NELL1: variants seen among roughly 807,000 people sequenced by gnomAD.
NELL1 encodes the protein neural EGFL like 1.
Under a neutral mutation model 107.4 loss-of-function variants are expected in NELL1, and 76 were observed. The ratio of observed to expected loss-of-function variants is 0.71; its 90% CI spans 0.59 to 0.86. The LOEUF (loss-of-function observed/expected upper bound fraction) is 0.86. Among genes scored for constraint, NELL1 ranks in the 40% least tolerant of loss-of-function variants. NELL1 has a pLI of 0.00. For missense variants in NELL1, 1,024 were observed against 1,005.5 expected (o/e 1.02, Z -0.25); for synonymous variants, 353 against 341.2 (o/e 1.03, Z -0.38).
At chr11:20,787,663 T>G (rs1028655072) in intron 3 of NELL1, among the ~76,000 whole-genome samples, 1 of 152,194 alleles carries the variant, frequency 6.6e-6, no homozygotes, top group African/African-American at 2.4e-5. Context: ...GTATTACTAG[T>G]GATGAAGATA....
In NELL1 at chr11:21,178,857, T is replaced by C. The variant is rs184870956; in HGVS notation, c.1427-50475T>C. Among the ~76,000 whole-genome samples, 452 of 151,552 alleles carry C rather than the reference T, an allele frequency of 3.0e-3. 14 individuals carry two copies. Among genetic ancestry groups the C allele is most frequent in the African/African-American group, 0.011 (434 of 41,040 alleles). On this transcript the variant is annotated intron_variant, in intron 13 of 19. Coordinates refer to ENST00000357134, the MANE Select transcript of NELL1 (RefSeq NM_006157.5). ...AAGGATATTTTTGAGTAAATGAAAA[T>C]GGAGGTTTTTATGATTAGACAAAAA...
intron 13 of NELL1, among the ~76,000 whole-genome samples, chr11:21,202,220 C>T (rs935953604): frequency 2.0e-5 from 3 of 152,144 alleles, no homozygotes; most frequent in Admixed American, 1.3e-4. Flanking sequence ...CCTCTTTGTA[C>T]CTCTGGTAGA....
chr11:21,025,743 C>G (rs76039790), intron 12 of NELL1, among the ~76,000 whole-genome samples: 2 of 152,050 alleles, frequency 1.3e-5, no homozygotes, highest in African/African-American at 4.8e-5. Context: ...TCAGCCTAGA[C>G]TGATATTTTA....
At chr11:20,916,439 GTAT>G (rs1171069518) in intron 5 of NELL1, among the ~76,000 whole-genome samples, 1 of 151,914 alleles carries the variant, frequency 6.6e-6, no homozygotes, top group Admixed American at 6.6e-5. Context: ...GCGGGATGGG[GTAT>G]TATTTTAAAA....
chr11:21,477,186 G>A (rs537772890), intron 15 of NELL1, among the ~76,000 whole-genome samples: 60 of 152,164 alleles, frequency 3.9e-4, no homozygotes, highest in African/African-American at 1.4e-3. Context: ...CACAGCTCCA[G>A]GAGAGACTCT....
chr11:21,063,961 T>C (rs1203856539), intron 12 of NELL1, among the ~76,000 whole-genome samples: 3 of 152,218 alleles, frequency 2.0e-5, no homozygotes, highest in Non-Finnish European at 2.9e-5. Context: ...TGTAATACAC[T>C]GTTCAGTGTA....
chr11:21,515,231 T>G (rs1462038319), intron 15 of NELL1, among the ~76,000 whole-genome samples: 1 of 152,206 alleles, frequency 6.6e-6, no homozygotes, highest in East Asian at 1.9e-4. Context: ...GTGCTTCTAC[T>G]TCTTTCTGAA....
chr11:21,185,921 A>G (rs1379376769), intron 13 of NELL1, among the ~76,000 whole-genome samples: 1 of 151,840 alleles, frequency 6.6e-6, no homozygotes, highest in Non-Finnish European at 1.5e-5. Flanking sequence ...TTGCAAGGCT[A>G]TCAGGAGCTC....
At chr11:21,099,620 G>A (rs933286513) in intron 12 of NELL1, among the ~76,000 whole-genome samples, 9 of 152,284 alleles carry the variant, frequency 5.9e-5, no homozygotes, top group African/African-American at 1.9e-4. Context: ...GGCATAAGAC[G>A]TGGTGCAAGG....
At chr11:21,472,823 C>T (rs1460448793) in intron 15 of NELL1, among the ~76,000 whole-genome samples, 1 of 149,176 alleles carries the variant, frequency 6.7e-6, no homozygotes, top group African/African-American at 2.5e-5. Context: ...CCTTGCCTTC[C>T]CTTCCCTTCC....
chr11:21,229,577 A>G, intron 14 of NELL1, 123 bp downstream of exon 14: 1 of 1,323,012 alleles, frequency 7.6e-7, no homozygotes, highest in Non-Finnish European at 1.0e-6. Context: ...CTCCTGGTTT[A>G]TCAACTGGCA....
intron 12 of NELL1, among the ~76,000 whole-genome samples, chr11:21,028,730 C>T (rs1394395156): frequency 1.3e-5 from 2 of 151,858 alleles, no homozygotes; most frequent in African/African-American, 4.8e-5. Flanking sequence ...TCCCTTTGGC[C>T]AGAGTAAGAG....
intron 15 of NELL1, among the ~76,000 whole-genome samples, chr11:21,483,488 A>G (rs987145750): frequency 3.3e-5 from 5 of 152,112 alleles, no homozygotes; most frequent in African/African-American, 1.2e-4. Context: ...CAATGATTTT[A>G]ATATTGTCAT....
At chr11:21,069,506 G>A (rs551413576) in intron 12 of NELL1, among the ~76,000 whole-genome samples, 1 of 152,236 alleles carries the variant, frequency 6.6e-6, no homozygotes, top group Non-Finnish European at 1.5e-5. Flanking sequence ...CTGGAGGGAG[G>A]AGGAATGGAA....
intron 14 of NELL1, among the ~76,000 whole-genome samples, chr11:21,247,529 T>C (rs1376824577): frequency 6.6e-6 from 1 of 152,132 alleles, no homozygotes; most frequent in African/African-American, 2.4e-5. Flanking sequence ...CCTCCAACTT[T>C]TGTCCCGTTA....
intron 4 of NELL1, among the ~76,000 whole-genome samples, 172 bp from the exon 5 acceptor site, chr11:20,885,272 G>C (rs576874388): frequency 3.3e-4 from 50 of 152,328 alleles, no homozygotes; most frequent in African/African-American, 1.2e-3. Context: ...GGGCCCAGAT[G>C]ATGTGTCCAA....
chr11:20,886,071 A>C (rs949019694), intron 5 of NELL1, among the ~76,000 whole-genome samples: 1 of 152,186 alleles, frequency 6.6e-6, no homozygotes, highest in Non-Finnish European at 1.5e-5. Context: ...ACATGGACAC[A>C]AAGATGGGAG....
rs577169563 is a variant in NELL1 at position 21,563,245 on chromosome 11, A to G, written c.1980+2863A>G. On this transcript the variant is annotated intron_variant, in intron 17 of 19. Coordinates refer to ENST00000357134, the MANE Select transcript of NELL1 (RefSeq NM_006157.5). ...CATAAATTTGTCTAGGACTTTAGGA[A>G]GACATCTTTATTTTCAGCCTGTGCT... is the stretch of plus-strand genomic sequence containing the variant. Among the ~76,000 whole-genome samples the G allele has an allele frequency of 5.9e-5, 9 of 152,224 alleles. 1 individual carries two copies. The South Asian group carries it at 1.7e-3, about 28-fold the overall frequency.
chr11:21,021,602 C>G (rs1040047436), intron 12 of NELL1, among the ~76,000 whole-genome samples: 5 of 152,016 alleles, frequency 3.3e-5, no homozygotes, highest in Admixed American at 2.0e-4. Context: ...AACTGCTGTT[C>G]TTTGAATGCA....
Sources: allele counts gnomAD v4.1 joint callset (sites outside exome capture counted in the v4.1 genomes callset), GRCh38; gene constraint gnomAD v4.1.1; transcripts MANE v1.5; gene names NCBI Gene and HGNC (gene_info 2026-07-23, HGNC 2026-07-21).